TBC1D9: variants seen among roughly 807,000 people sequenced by gnomAD.
The protein encoded by TBC1D9 is TBC1 domain family member 9, also known as TBC1 domain family member 9A.
Under a neutral mutation model 132.0 loss-of-function variants are expected in TBC1D9, and 63 were observed. The observed-to-expected ratio is 0.48, with a 90% CI of 0.39 to 0.59. The LOEUF is 0.59. Ranked by LOEUF, TBC1D9 falls within the 20% of genes least tolerant of loss-of-function variation. The pLI is 0.00. For missense variants in TBC1D9, 1,261 were observed against 1,592.7 expected, an observed-to-expected ratio of 0.79 and a Z score of 3.54; for synonymous variants, 610 against 609.9, an observed-to-expected ratio of 1.00 and a Z score of 0.00.
chr4:140,675,706 G>A (rs1051617881), intron 6 of TBC1D9, among the ~76,000 whole-genome samples: 4 of 152,180 alleles, frequency 2.6e-5, no homozygotes, highest in African/African-American at 9.7e-5. Flanking sequence ...AGATTCAGAA[G>A]ATCTGGGATG....
At position 140,694,212 on chromosome 4, in the gene TBC1D9, C is replaced by T. The variant is rs112258025; in HGVS notation, c.241+7292G>A. Reference sequence around the variant, plus strand: ...AATACAGTAATAGTAGGGGAAAAAACCCTAGATTTCCAATAACATACTGAG... The same window carrying T: ...AATACAGTAATAGTAGGGGAAAAAATCCTAGATTTCCAATAACATACTGAG... On this transcript the variant is annotated intron_variant, in intron 2 of 20. Transcript: ENST00000442267. Among the ~76,000 whole-genome samples the T allele has an allele frequency of 2.3e-3, 350 of 152,218 alleles. 3 individuals are homozygous for T. The highest frequency in any genetic ancestry group is 7.3e-3 in the African/African-American group (302 of 41,544).
chr4:140,737,317 T>G (rs1738689246), intron 1 of TBC1D9, among the ~76,000 whole-genome samples: 1 of 151,952 alleles, frequency 6.6e-6, no homozygotes, highest in African/African-American at 2.4e-5. Context: ...GCAACATCAG[T>G]TCCTAGATTA....
chr4:140,721,380 C>T (rs1458091824), intron 1 of TBC1D9, among the ~76,000 whole-genome samples: 1 of 152,178 alleles, frequency 6.6e-6, no homozygotes, highest in African/African-American at 2.4e-5. Context: ...CTAAGACATA[C>T]ATGCAATTAT....
At chr4:140,747,641 A>G (rs957725626) in intron 1 of TBC1D9, among the ~76,000 whole-genome samples, 4 of 152,222 alleles carry the variant, frequency 2.6e-5, no homozygotes, top group Non-Finnish European at 5.9e-5. Context: ...TCTATATTTT[A>G]GAGTAACAAT....
chr4:140,627,831 AT>A (rs1736732689), intron 17 of TBC1D9, among the ~76,000 whole-genome samples: 1 of 152,214 alleles, frequency 6.6e-6, no homozygotes, highest in Non-Finnish European at 1.5e-5. Flanking sequence ...ACTGTACGCT[AT>A]AAAGAGAATT....
intron 9 of TBC1D9, among the ~76,000 whole-genome samples, chr4:140,667,580 A>C (rs1189384518): frequency 6.6e-6 from 1 of 152,152 alleles, no homozygotes; most frequent in Non-Finnish European, 1.5e-5. Flanking sequence ...TAGGTTTCTA[A>C]ATGAGGAGCT....
intron 16 of TBC1D9, among the ~76,000 whole-genome samples, chr4:140,633,265 C>T (rs563891866): frequency 6.6e-6 from 1 of 152,346 alleles, no homozygotes; most frequent in African/African-American, 2.4e-5. Flanking sequence ...CTGCTATACT[C>T]TCAACCTTAC....
In TBC1D9 at chr4:140,706,998, G is replaced by T. The variant is rs1351063464; in HGVS notation, c.131-5384C>A. Among the ~76,000 whole-genome samples, 4 of 152,080 alleles carry T rather than the reference G, an allele frequency of 2.6e-5. No individual in the cohort carries two copies. The highest frequency in any genetic ancestry group is 4.4e-5 in the Non-Finnish European group (3 of 68,004). On this transcript the variant is annotated intron_variant, in intron 1 of 20. Coordinates refer to ENST00000442267, the MANE Select transcript of TBC1D9 (RefSeq NM_015130.3). The surrounding 1 kb of genome is among the most constrained non-coding windows in gnomAD (Gnocchi z 4.0). Reference sequence around the variant, plus strand: ...CACCTAAGCACATTTCTTTAGAATGGAATTGTCAGGTCCTAGGGTAAGTTC... The same window carrying T: ...CACCTAAGCACATTTCTTTAGAATGTAATTGTCAGGTCCTAGGGTAAGTTC...
rs372704755 is a variant in TBC1D9 at position 140,657,216 on chromosome 4, T to C, written c.2218A>G (p.Ser740Gly). The change falls in exon 13 of 21, where the codon AGT (serine) becomes GGT (glycine). Residue 740 changes from serine to glycine, a missense_variant. By Grantham distance (56) the Ser-to-Gly change is moderately conservative (BLOSUM62 0). Coordinates refer to ENST00000442267, the MANE Select transcript of TBC1D9 (RefSeq NM_015130.3). ...AGTGTGCTGTCTTTATTGGTCACAC[T>C]GTCTAAATACCTGGAAGAAGAATGC... is the stretch of plus-strand genomic sequence containing the variant. ...AMTVLGRYLD[S>G]VTNKDSTLPP... is the part of the protein sequence containing the mutation. 1.2e-6 allele frequency: 2 copies of C among 1,613,804 alleles called. No homozygotes were observed. The highest frequency in any genetic ancestry group is 2.2e-5 in the South Asian group (2 of 91,018).
chr4:140,744,111 A>C (rs1379510046), intron 1 of TBC1D9, among the ~76,000 whole-genome samples: 2 of 152,208 alleles, frequency 1.3e-5, no homozygotes, highest in African/African-American at 2.4e-5. Context: ...GTTGATAATA[A>C]TAATGGGATG....
chr4:140,626,060 C>T (rs899202755), intron 18 of TBC1D9, among the ~76,000 whole-genome samples: 1 of 152,172 alleles, frequency 6.6e-6, no homozygotes, highest in Non-Finnish European at 1.5e-5. Context: ...ATTTCTAAAA[C>T]AAGAGAATCC....
chr4:140,724,932 A>C (rs961446031), intron 1 of TBC1D9, among the ~76,000 whole-genome samples: 2 of 152,230 alleles, frequency 1.3e-5, no homozygotes, highest in Non-Finnish European at 2.9e-5. Context: ...AGACTGGGAA[A>C]ACAGACATTC....
At chr4:140,680,440 G>C (rs576081765) in intron 3 of TBC1D9, among the ~76,000 whole-genome samples, 1 of 152,190 alleles carries the variant, frequency 6.6e-6, no homozygotes, top group Non-Finnish European at 1.5e-5. Context: ...TGCATAGCAA[G>C]TGACCAGGTT....
At position 140,755,187 on chromosome 4, in the gene TBC1D9, C is replaced by T. The variant is rs1738989429; in HGVS notation, c.130+729G>A. On this transcript the variant is annotated intron_variant, in intron 1 of 20. Transcript: ENST00000442267. ...GAGTTCGAGATTATTTCTAATATGG[C>T]ACTACTTTGGATATGGGTCTGACTG... Among the ~76,000 whole-genome samples the T allele has an allele frequency of 2.0e-5, 3 of 152,138 alleles. No homozygotes were observed. In the South Asian group the frequency reaches 6.2e-4, roughly 32 times the overall value.
At chr4:140,690,062 T>A (rs191554280) in intron 2 of TBC1D9, among the ~76,000 whole-genome samples, 1 of 151,924 alleles carries the variant, frequency 6.6e-6, no homozygotes, top group Non-Finnish European at 1.5e-5. Context: ...GGTTTCTTTA[T>A]GCACACATTT....
At chr4:140,700,213 G>A (rs1163243516) in intron 2 of TBC1D9, among the ~76,000 whole-genome samples, 1 of 152,116 alleles carries the variant, frequency 6.6e-6, no homozygotes, top group Non-Finnish European at 1.5e-5. Context: ...ACTTTGGGAG[G>A]TTGAGGGGGG....
At chr4:140,669,111 G>A (rs760446018) in intron 8 of TBC1D9, 44 bp from the exon 9 acceptor site, 1 of 1,600,342 alleles carries the variant, frequency 6.2e-7, no homozygotes, top group South Asian at 1.1e-5. Flanking sequence ...AGTACCCTGA[G>A]GATGGTAAGA....
chr4:140,648,385 GTT>G (rs1243797618), intron 13 of TBC1D9, among the ~76,000 whole-genome samples: 10 of 121,838 alleles, frequency 8.2e-5, no homozygotes, highest in African/African-American at 1.5e-4. Context: ...TTTTGTTGTT[GTT>G]TTTTTTTTTT....
At chr4:140,683,719 G>C (rs1304460155) in intron 3 of TBC1D9, among the ~76,000 whole-genome samples, 1 of 152,206 alleles carries the variant, frequency 6.6e-6, no homozygotes, top group African/African-American at 2.4e-5. Context: ...TATTATATTT[G>C]AAAAATAATT....
Sources: allele counts gnomAD v4.1 joint callset (sites outside exome capture counted in the v4.1 genomes callset), GRCh38; gene constraint gnomAD v4.1.1; non-coding constraint Gnocchi (gnomAD v3.1); transcripts MANE v1.5; gene names NCBI Gene and HGNC (gene_info 2026-07-23, HGNC 2026-07-21).